The following ETV1 variants were observed in gnomAD, a reference collection of about 807,000 sequenced individuals.
ETV1 encodes the protein ETS variant transcription factor 1.
ETV1 carries 27 observed loss-of-function variants against 62.3 expected under a neutral mutation model. The ratio of observed to expected loss-of-function variants is 0.43; its 90% CI spans 0.32 to 0.60. ETV1 has a LOEUF of 0.60. Ranked by LOEUF, ETV1 falls within the 20% of genes least tolerant of loss-of-function variation. The pLI is 0.06. For synonymous variants in ETV1, 222 were observed against 199.6 expected, an observed-to-expected ratio of 1.11 and a Z score of -0.94; for missense variants, 605 against 605.8, an observed-to-expected ratio of 1.00 and a Z score of 0.01.
chr7:13,986,850 C>CCTG, intron 4 of ETV1, 165 bp from the exon 5 acceptor site: 1 of 594,288 alleles, frequency 1.7e-6, no homozygotes, highest in Non-Finnish European at 2.9e-6. Context: ...CTCAATAATA[C>CCTG]TGCCTACTTT....
chr7:13,926,205 T>G (rs753331415), intron 9 of ETV1, among the ~76,000 whole-genome samples: 1 of 152,204 alleles, frequency 6.6e-6, no homozygotes, highest in Non-Finnish European at 1.5e-5. Flanking sequence ...CTATGCATCT[T>G]TCACTATTTC....
intron 9 of ETV1, among the ~76,000 whole-genome samples, chr7:13,912,928 A>G (rs2128422190): frequency 6.6e-6 from 1 of 152,360 alleles, no homozygotes; most frequent in Non-Finnish European, 1.5e-5. Context: ...AATGACTAAC[A>G]TGGTTAATTA....
intron 8 of ETV1, among the ~76,000 whole-genome samples, chr7:13,934,573 C>G (rs1449756095): frequency 2.0e-5 from 3 of 152,164 alleles, no homozygotes; most frequent in Non-Finnish European, 4.4e-5. Context: ...TGAGCCAGTT[C>G]TTAAACACAG....
intron 11 of ETV1, among the ~76,000 whole-genome samples, chr7:13,908,868 C>T (rs1349822179): frequency 6.6e-6 from 1 of 152,054 alleles, no homozygotes; most frequent in Non-Finnish European, 1.5e-5. Flanking sequence ...TGCTGGTTTC[C>T]TGTCAAACGA....
chr7:13,920,978 G>A (rs964592642), intron 9 of ETV1, among the ~76,000 whole-genome samples: 3 of 152,140 alleles, frequency 2.0e-5, no homozygotes, highest in Admixed American at 6.5e-5. Context: ...AAAAATCAGA[G>A]ATTAAGTGAT....
At chr7:13,984,990 T>G (rs1782406843) in intron 5 of ETV1, among the ~76,000 whole-genome samples, 1 of 151,972 alleles carries the variant, frequency 6.6e-6, no homozygotes, top group Non-Finnish European at 1.5e-5. Context: ...TTCCACATTT[T>G]AAAATTCCAG....
chr7:13,973,827 G>A (rs7808321), intron 6 of ETV1, among the ~76,000 whole-genome samples: 124,042 of 152,088 alleles, frequency 0.82, 51,208 homozygotes, highest in African/African-American at 0.95. Flanking sequence ...TCATAGTTTC[G>A]GCAAGTTTTC....
intron 6 of ETV1, among the ~76,000 whole-genome samples, chr7:13,952,038 C>T (rs1176776085): frequency 6.7e-6 from 1 of 149,508 alleles, no homozygotes; most frequent in Non-Finnish European, 1.5e-5. Flanking sequence ...CAACTACACA[C>T]TAAGAGCAAA....
intron 6 of ETV1, among the ~76,000 whole-genome samples, chr7:13,943,209 A>C (rs544573313): frequency 6.6e-6 from 1 of 152,240 alleles, no homozygotes; most frequent in Non-Finnish European, 1.5e-5. Context: ...TCCAGATGGC[A>C]AAACAAATCG....
At chr7:13,930,671 C>T (rs1008593451) in intron 9 of ETV1, among the ~76,000 whole-genome samples, 10 of 152,030 alleles carry the variant, frequency 6.6e-5, no homozygotes, top group African/African-American at 1.9e-4. Flanking sequence ...CCACTTGACC[C>T]GCTGCTTTGT....
chr7:13,987,083 G>T, intron 4 of ETV1: 1 of 176,470 alleles, frequency 5.7e-6, no homozygotes, highest in Non-Finnish European at 1.2e-5. Context: ...AGACTGAAAA[G>T]CATTTTATTT....
chr7:13,976,983 T>C (rs1192904096), intron 6 of ETV1, among the ~76,000 whole-genome samples: 1 of 152,180 alleles, frequency 6.6e-6, no homozygotes, highest in Non-Finnish European at 1.5e-5. Flanking sequence ...AGCCAATGAA[T>C]GTTTGGTCCA....
intron 6 of ETV1, among the ~76,000 whole-genome samples, chr7:13,966,900 G>A (rs1780345127): frequency 1.3e-5 from 2 of 152,032 alleles, no homozygotes; most frequent in African/African-American, 4.8e-5. Flanking sequence ...CCAGTGACTA[G>A]GACAAAGCCT....
At chr7:13,925,300 C>T (rs750883007) in intron 9 of ETV1, among the ~76,000 whole-genome samples, 2 of 152,150 alleles carry the variant, frequency 1.3e-5, no homozygotes, top group Non-Finnish European at 2.9e-5. Flanking sequence ...CTCCAACCAA[C>T]TACTGAGTTA....
In ETV1 at chr7:13,989,144, A is replaced by G; in HGVS notation, c.-87-5T>C. On this transcript the variant is annotated splice_region_variant and splice_polypyrimidine_tract_variant and intron_variant, in intron 2 of 13. Coordinates refer to ENST00000430479, the MANE Select transcript of ETV1 (RefSeq NM_004956.5). Reference sequence around the variant, plus strand: ...AGGATCTGGACTTCTATCAACCTAGAGGGGAACAAGATGGCTTTTAGGCTT... The same window carrying G: ...AGGATCTGGACTTCTATCAACCTAGGGGGGAACAAGATGGCTTTTAGGCTT... 9.0e-7 allele frequency: 1 copy of G among 1,111,428 alleles called. No homozygotes were observed. The highest frequency in any genetic ancestry group is 1.3e-6 in the Non-Finnish European group (1 of 764,866). 68.8% of individuals were successfully genotyped at this position (1,111,428 alleles called of 1,614,324 possible).
Position 13,895,892 on chromosome 7 carries a change from G to A in ETV1, c.1408C>T (p.Pro470Ser). The A allele has an allele frequency of 6.2e-7, 1 of 1,613,674 alleles. No homozygotes were observed. Among genetic ancestry groups the A allele is most frequent in the East Asian group, 2.2e-5 (1 of 44,882 alleles). ...MPEGGCCNPHPYNEGYVY is the reference protein window; with the variant it reads ...MPEGGCCNPHSYNEGYVY The stretch of plus-strand genomic sequence containing the variant: ...TAATACACGTAGCCTTCGTTGTAGG[G>A]GTGGGGGTTGCAGCAGCCCCCTTCC... Residue 470 changes from proline to serine, a missense_variant, in exon 14 of 14, where the codon CCC becomes TCC. Physicochemically the swap from Pro to Ser is moderately conservative, Grantham distance 74. Around this residue, in one of 3 missense-constraint regions of ETV1, gnomAD observed 79 missense variants for 71.6 expected, o/e 1.10. Coordinates refer to ENST00000430479, the MANE Select transcript of ETV1 (RefSeq NM_004956.5).
At chr7:13,969,221 A>T (rs1212950280) in intron 6 of ETV1, among the ~76,000 whole-genome samples, 2 of 152,226 alleles carry the variant, frequency 1.3e-5, no homozygotes, top group African/African-American at 2.4e-5. Flanking sequence ...ATCTACAATC[A>T]GCAATGACTT....
At position 13,896,048 on chromosome 7, in the gene ETV1, G is replaced by T; in HGVS notation, c.1252C>A (p.Pro418Thr). The T allele has an allele frequency of 4.3e-6, 7 of 1,613,648 alleles. No homozygotes were observed. In the South Asian group the frequency reaches 5.5e-5, roughly 13 times the overall value. Reference protein sequence around the residue: ...ERYVYKFVCDPEALFSMAFPD... With the variant: ...ERYVYKFVCDTEALFSMAFPD... ...AAGGCCATGGAGAAAAGGGCTTCTG[G>T]ATCACACACAAACTTGTAGACATAT... Residue 418 changes from proline (P) to threonine (T), a missense_variant, in exon 14 of 14, where the codon CCA (proline) becomes ACA (threonine). Pro to Thr is a conservative substitution (Grantham distance 38). Transcript: ENST00000430479.
In ETV1 at chr7:13,908,585, A is replaced by G. The variant is rs182112956; in HGVS notation, c.940+1047T>C. Among the ~76,000 whole-genome samples the G allele has an allele frequency of 7.2e-5, 11 of 152,210 alleles. 1 individual carries two copies. The highest frequency in any genetic ancestry group is 2.6e-4 in the African/African-American group (11 of 41,546). On this transcript the variant is annotated intron_variant, in intron 11 of 13. Transcript: ENST00000430479. Reference sequence around the variant, plus strand: ...GAATAAAACCAAAAATGTGATTCCTATAATTTTTTTTTTGACCTTGAATGA... The same window carrying G: ...GAATAAAACCAAAAATGTGATTCCTGTAATTTTTTTTTTGACCTTGAATGA...
Sources: gnomAD v4.1 joint callset for allele counts (sites outside exome capture counted in the v4.1 genomes callset) on GRCh38, gnomAD v4.1.1 for gene constraint, gnomAD v4.1.1 regional missense constraint, MANE v1.5 for transcripts, NCBI Gene and HGNC (gene_info 2026-07-23, HGNC 2026-07-21) for gene names.